AVPR1B: variants seen among roughly 807,000 people sequenced by gnomAD.
AVPR1B encodes arginine vasopressin receptor 1B, also known as vasopressin V1b receptor.
AVPR1B carries 25 observed loss-of-function variants against 27.5 expected under a neutral mutation model. The ratio of observed to expected loss-of-function variants is 0.91; its 90% CI spans 0.66 to 1.27. The LOEUF (loss-of-function observed/expected upper bound fraction) is 1.27, where lower values mean the gene tolerates loss of function less well. Ranked by LOEUF, AVPR1B falls within the 50% of genes most tolerant of loss-of-function variation. The pLI is 0.00. For synonymous variants in AVPR1B, 248 were observed against 240.2 expected (o/e 1.03, Z -0.30); for missense variants, 595 against 556.9 (o/e 1.07, Z -0.69).
In AVPR1B at chr1:206,107,426, A is replaced by G. The variant is rs1663297181; in HGVS notation, c.*2763T>C. The stretch of plus-strand genomic sequence containing the variant: ...CCCAGACTGTCCAGGCGAGCCTCCT[A>G]CAGGTCCTGCAGAACTTTCACTCAT... On this transcript the variant is annotated 3_prime_UTR_variant, in exon 2 of 2. Transcript: ENST00000367126. Among the ~76,000 whole-genome samples the G allele has an allele frequency of 1.3e-5, 2 of 151,962 alleles. No individual in the cohort carries two copies. Among genetic ancestry groups the G allele is most frequent in the African/African-American group, 4.8e-5 (2 of 41,348 alleles).
chr1:206,116,743 C>A lies in AVPR1B; in HGVS notation c.148G>T (p.Gly50Trp). The A allele has an allele frequency of 6.2e-7, 1 of 1,611,250 alleles. No homozygotes were observed. The highest frequency in any genetic ancestry group is 8.5e-7 in the Non-Finnish European group (1 of 1,178,630). Residue 50 changes from glycine to tryptophan, a missense_variant, in exon 1 of 2, where the codon GGG becomes TGG. By Grantham distance (184) the Gly-to-Trp change is radical. Transcript: ENST00000367126. ...GTCAGCAGCACAGCCAGGTTGCCCCCGGTCGCCAGCACCAGGACAGTGGCC... is the reference window on the plus strand; with the variant it reads ...GTCAGCAGCACAGCCAGGTTGCCCCAGGTCGCCAGCACCAGGACAGTGGCC... ...VLATVLVLAT[G>W]GNLAVLLTLG...
rs1325030385 is a variant in AVPR1B at position 206,107,869 on chromosome 1, A to G, written c.*2320T>C. Among the ~76,000 whole-genome samples, 1 of 152,168 alleles carries G rather than the reference A, an allele frequency of 6.6e-6. No individual in the cohort carries two copies. The highest frequency in any genetic ancestry group is 2.4e-5 in the African/African-American group (1 of 41,432). The stretch of plus-strand genomic sequence containing the variant: ...AACATCTGTTGAGTGCTCTATCTCT[A>G]GTCTACAATCTTACAAATCCCTCCC... On this transcript the variant is annotated 3_prime_UTR_variant, in exon 2 of 2. Transcript: ENST00000367126.
intron 1 of AVPR1B, among the ~76,000 whole-genome samples, chr1:206,114,227 T>C (rs1434186899): frequency 6.6e-6 from 1 of 152,090 alleles, no homozygotes; most frequent in Non-Finnish European, 1.5e-5. Context: ...GGACCACTGG[T>C]GGGAATTGGT....
intron 1 of AVPR1B, among the ~76,000 whole-genome samples, chr1:206,111,160 C>T (rs1363654887): frequency 6.6e-6 from 1 of 152,166 alleles, no homozygotes; most frequent in Non-Finnish European, 1.5e-5. Flanking sequence ...CATCATTGCC[C>T]CCTACAGCCA....
In AVPR1B at chr1:206,115,866, TG is replaced by T; in HGVS notation, c.940+84del. Reference sequence around the variant, plus strand: ...CACTAGTTTGTCACCTGCCTGGCCCTGGGAGGCATTGTAACCCTGACCTAAT... The same window carrying T: ...CACTAGTTTGTCACCTGCCTGGCCCTGGAGGCATTGTAACCCTGACCTAAT... On this transcript the variant is annotated intron_variant, in intron 1 of 1. Transcript: ENST00000367126. The T allele has an allele frequency of 7.3e-6, 10 of 1,374,588 alleles. No individual in the cohort carries two copies. In the South Asian group the frequency reaches 1.5e-4, roughly 20 times the overall value. 85.1% of individuals were successfully genotyped at this position (1,374,588 alleles called of 1,614,324 possible).
In AVPR1B at chr1:206,108,487, C is replaced by T. The variant is rs1408786828; in HGVS notation, c.*1702G>A. Among the ~76,000 whole-genome samples, 1 of 152,246 alleles carries T rather than the reference C, an allele frequency of 6.6e-6. No homozygotes were observed. The highest frequency in any genetic ancestry group is 1.5e-5 in the Non-Finnish European group (1 of 68,038). The stretch of plus-strand genomic sequence containing the variant: ...GCAAAGCCACAGTCATTCCTCAAAG[C>T]TTCCCTGGGAGTCAGGGGTAGAGAC... On this transcript the variant is annotated 3_prime_UTR_variant, in exon 2 of 2. Coordinates refer to ENST00000367126, the MANE Select transcript of AVPR1B (RefSeq NM_000707.5).
chr1:206,112,607 C>T (rs1039112368), intron 1 of AVPR1B, among the ~76,000 whole-genome samples: 1 of 152,266 alleles, frequency 6.6e-6, no homozygotes, highest in East Asian at 1.9e-4. Flanking sequence ...TCAGCATCCT[C>T]GGTAGATGGG....
In AVPR1B at chr1:206,116,991, A is replaced by G; in HGVS notation, c.-101T>C. The G allele has an allele frequency of 9.1e-7, 1 of 1,092,966 alleles. No individual in the cohort carries two copies. The highest frequency in any genetic ancestry group is 1.3e-6 in the Non-Finnish European group (1 of 745,126). 67.7% of individuals were successfully genotyped at this position (1,092,966 alleles called of 1,614,324 possible). ...GTGGCAGGGGAGGTGGAGAGAAAGG[A>G]GAAGCGTTGAGAATGACAGGGAGAA... On this transcript the variant is annotated 5_prime_UTR_variant, in exon 1 of 2. Transcript: ENST00000367126.
chr1:206,110,200 T>C lies in AVPR1B; in HGVS notation c.1264A>G (p.Ile422Val). ...CCAGCGAGTCTTTCCTAAAAGATGA[T>C]GGTCTCAGCGGTGCCTTCCCCATCT... Reference protein sequence around the residue: ...LADGEGTAETIIF With the variant: ...LADGEGTAETVIF The change falls in exon 2 of 2, where the codon ATC (isoleucine) becomes GTC (valine). Residue 422 changes from isoleucine (I) to valine (V), a missense_variant. Transcript: ENST00000367126. 1 of 1,605,266 alleles carries C rather than the reference T, an allele frequency of 6.2e-7. No individual in the cohort carries two copies. The highest frequency in any genetic ancestry group is 1.1e-5 in the South Asian group (1 of 90,762).
At chr1:206,115,513 A>G (rs1663448616) in intron 1 of AVPR1B, among the ~76,000 whole-genome samples, 1 of 152,140 alleles carries the variant, frequency 6.6e-6, no homozygotes, top group Non-Finnish European at 1.5e-5. Context: ...TCATGTGCCA[A>G]CCCTAATTAA....
At position 206,108,421 on chromosome 1, in the gene AVPR1B, A is replaced by G. The variant is rs555720983; in HGVS notation, c.*1768T>C. On this transcript the variant is annotated 3_prime_UTR_variant, in exon 2 of 2. Coordinates refer to ENST00000367126, the MANE Select transcript of AVPR1B (RefSeq NM_000707.5). ...TCTTTTCTTTTTAGAAAGCCTCAGG[A>G]GGCTTCTTAGAGCTGAGTGGCCTCT... Among the ~76,000 whole-genome samples, 6 of 152,306 alleles carry G rather than the reference A, an allele frequency of 3.9e-5. No homozygotes were observed. Among genetic ancestry groups the G allele is most frequent in the African/African-American group, 1.4e-4 (6 of 41,566 alleles).
At position 206,116,706 on chromosome 1, in the gene AVPR1B, A is replaced by C. The variant is rs782317607; in HGVS notation, c.185T>G (p.Leu62Arg). ...NLAVLLTLGQ[L>R]GRKRSRMHLF... ...GTGCATGCGGGAGCGCTTGCGGCCC[A>C]GCTGGCCCAGGGTCAGCAGCACAGC... The change falls in exon 1 of 2, where the codon CTG becomes CGG. Residue 62 changes from leucine to arginine, a missense_variant. By Grantham distance (102) the Leu-to-Arg change is moderately radical (BLOSUM62 -2). Coordinates refer to ENST00000367126, the MANE Select transcript of AVPR1B (RefSeq NM_000707.5). 6.2e-7 allele frequency: 1 copy of C among 1,608,708 alleles called. No individual in the cohort carries two copies. The highest frequency in any genetic ancestry group is 8.5e-7 in the Non-Finnish European group (1 of 1,176,976).
intron 1 of AVPR1B, among the ~76,000 whole-genome samples, chr1:206,114,392 C>T (rs920999996): frequency 4.6e-5 from 7 of 152,182 alleles, no homozygotes; most frequent in Non-Finnish European, 1.0e-4. Flanking sequence ...CTCTTCATAG[C>T]CACCCAGACA....
intron 1 of AVPR1B, among the ~76,000 whole-genome samples, chr1:206,114,231 A>G (rs1553290206): frequency 6.6e-6 from 1 of 152,162 alleles, no homozygotes; most frequent in Non-Finnish European, 1.5e-5. Context: ...CACTGGTGGG[A>G]ATTGGTGGCC....
At chr1:206,114,238 G>A (rs1663426345) in intron 1 of AVPR1B, among the ~76,000 whole-genome samples, 3 of 152,142 alleles carry the variant, frequency 2.0e-5, no homozygotes, top group African/African-American at 7.2e-5. Flanking sequence ...GGGAATTGGT[G>A]GCCTGAGACT....
At position 206,109,916 on chromosome 1, in the gene AVPR1B, T is replaced by G. The variant is rs901148506; in HGVS notation, c.*273A>C. 2.1e-6 allele frequency: 1 copy of G among 466,508 alleles called. No individual in the cohort carries two copies. The highest frequency in any genetic ancestry group is 3.8e-6 in the Non-Finnish European group (1 of 260,164). The allele number at this position is 466,508 out of a possible 1,614,324, so 28.9% of individuals were successfully genotyped here. On this transcript the variant is annotated 3_prime_UTR_variant, in exon 2 of 2. Coordinates refer to ENST00000367126, the MANE Select transcript of AVPR1B (RefSeq NM_000707.5). ...CTAGATCTGGGACACCATGTGTGCA[T>G]GGACACCCTATGAATATGGCAGGAC...
rs1663292474 is a variant in AVPR1B, at chr1:206,107,106, A to G, written c.*3083T>C. ...AAAGTACTGGCCTGTGCCAAACAAC[A>G]TAACGATTCTGAGAAATCCCCGTAG... On this transcript the variant is annotated 3_prime_UTR_variant, in exon 2 of 2. Transcript: ENST00000367126. Among the ~76,000 whole-genome samples the G allele has an allele frequency of 6.6e-6, 1 of 152,176 alleles. No homozygotes were observed. Among genetic ancestry groups the G allele is most frequent in the Non-Finnish European group, 1.5e-5 (1 of 68,034 alleles).
In AVPR1B at chr1:206,110,528, C is replaced by T; in HGVS notation, c.941-5G>A. ...TGAAAGCCACATTGGTGGAATCTAC[C>T]AAGAGAGAAGCATGAGAAGCCTCAG... is the stretch of plus-strand genomic sequence containing the variant. On this transcript the variant is annotated splice_region_variant and splice_polypyrimidine_tract_variant and intron_variant, in intron 1 of 1. Coordinates refer to ENST00000367126, the MANE Select transcript of AVPR1B (RefSeq NM_000707.5). 1 of 1,597,130 alleles carries T rather than the reference C, an allele frequency of 6.3e-7. No individual in the cohort carries two copies. The highest frequency in any genetic ancestry group is 8.6e-7 in the Non-Finnish European group (1 of 1,168,984).
intron 1 of AVPR1B, among the ~76,000 whole-genome samples, chr1:206,113,544 T>G (rs1663412793): frequency 1.3e-5 from 2 of 152,146 alleles, no homozygotes; most frequent in Admixed American, 1.3e-4. Context: ...GGTGAATCAC[T>G]CTACACAAGT....
Sources: allele counts gnomAD v4.1 joint callset (sites outside exome capture counted in the v4.1 genomes callset), GRCh38; gene constraint gnomAD v4.1.1; transcripts MANE v1.5; gene names NCBI Gene and HGNC (gene_info 2026-07-23, HGNC 2026-07-21).